Variants in KCNH7 observed in about 807,000 individuals in gnomAD.
KCNH7 encodes voltage-gated inwardly rectifying potassium channel KCNH7.
KCNH7 carries 49 observed loss-of-function variants against 120.8 expected under a neutral mutation model. The ratio of observed to expected loss-of-function variants is 0.41; its 90% CI spans 0.32 to 0.51. The LOEUF is 0.51. Ranked by LOEUF, KCNH7 falls within the 20% of genes least tolerant of loss-of-function variation. KCNH7 has a pLI of 0.38. For missense variants in KCNH7, 1,097 were observed against 1,446.6 expected (o/e 0.76, Z 3.92); for synonymous variants, 547 against 516.1 (o/e 1.06, Z -0.81).
chr2:162,384,704 TC>T lies in KCNH7; in HGVS notation c.2945del (p.Arg982LysfsTer54), dbSNP rs770182489. ...CTGGATTACCTTTGCAAGAGTGACTTCTTTTATCTATGTGCATTCTTCCTGA... is the reference window on the plus strand; with the variant it reads ...CTGGATTACCTTTGCAAGAGTGACTTTTTTATCTATGTGCATTCTTCCTGA... ...PTSGRMHIDK[R>X]SHSCKDITDM... is the part of the protein sequence containing the mutation. On this transcript the variant is annotated frameshift_variant, in exon 13 of 16. Transcript: ENST00000332142. LOFTEE classifies it high-confidence loss of function. The T allele has an allele frequency of 6.2e-7, 1 of 1,612,446 alleles. No individual in the cohort carries two copies. Among genetic ancestry groups the T allele is most frequent in the East Asian group, 2.2e-5 (1 of 44,808 alleles).
chr2:162,707,438 T>C (rs920834241), intron 2 of KCNH7, among the ~76,000 whole-genome samples: 4 of 152,116 alleles, frequency 2.6e-5, no homozygotes, highest in Non-Finnish European at 5.9e-5. Flanking sequence ...CACTCAGCTG[T>C]ATCTGAAAAA....
chr2:162,511,601 A>T lies in KCNH7; in HGVS notation c.913+1053T>A, dbSNP rs865996499. On this transcript the variant is annotated intron_variant, in intron 5 of 15. Transcript: ENST00000332142. ...ATAAAATTGGGGTGGGTTTGGGGGG[A>T]TACTGCCATAATTTCCCTGATTTTC... 9.9e-5 allele frequency among the ~76,000 whole-genome samples: 15 copies of T among 151,132 alleles called. 1 individual carries two copies. The highest frequency in any genetic ancestry group is 3.4e-3 in the Middle Eastern group (1 of 294).
At position 162,756,289 on chromosome 2, in the gene KCNH7, G is replaced by A. The variant is rs73972003; in HGVS notation, c.307+80248C>T. On this transcript the variant is annotated intron_variant, in intron 2 of 15. Coordinates refer to ENST00000332142, the MANE Select transcript of KCNH7 (RefSeq NM_033272.4). ...ATGATGTACCAATGTTCCAATTCTA[G>A]TTAAGGTCATAGGTTTGAATGTAAA... Among the ~76,000 whole-genome samples the A allele has an allele frequency of 8.0e-3, 1,213 of 152,182 alleles. 16 individuals carry two copies. The highest frequency in any genetic ancestry group is 0.028 in the African/African-American group (1,152 of 41,538).
intron 2 of KCNH7, among the ~76,000 whole-genome samples, chr2:162,645,191 A>T (rs1181401174): frequency 2.6e-5 from 4 of 152,046 alleles, no homozygotes; most frequent in Non-Finnish European, 5.9e-5. Flanking sequence ...CTCTGTCACC[A>T]GGCTGGAGTG....
At chr2:162,485,559 A>C (rs1055016793) in intron 6 of KCNH7, among the ~76,000 whole-genome samples, 1 of 152,204 alleles carries the variant, frequency 6.6e-6, no homozygotes, top group East Asian at 1.9e-4. Flanking sequence ...ATTCATTTCT[A>C]TAGAAGGAAA....
intron 8 of KCNH7, among the ~76,000 whole-genome samples, chr2:162,429,777 A>G (rs1467535146): frequency 1.3e-5 from 2 of 151,758 alleles, no homozygotes; most frequent in Admixed American, 1.3e-4. Flanking sequence ...TTTGGGATTC[A>G]CTGGACTTCT....
At chr2:162,734,774 T>A (rs1032112331) in intron 2 of KCNH7, among the ~76,000 whole-genome samples, 4 of 152,094 alleles carry the variant, frequency 2.6e-5, no homozygotes, top group Non-Finnish European at 5.9e-5. Flanking sequence ...ATGAAGTTTA[T>A]ACCATAAAGC....
intron 2 of KCNH7, among the ~76,000 whole-genome samples, chr2:162,825,887 A>G (rs1481800332): frequency 6.6e-6 from 1 of 152,144 alleles, no homozygotes; most frequent in East Asian, 1.9e-4. Context: ...TTGTGTAGAA[A>G]AATTATAGCT....
intron 6 of KCNH7, among the ~76,000 whole-genome samples, chr2:162,488,035 C>T (rs1279806910): frequency 1.3e-5 from 2 of 152,206 alleles, no homozygotes; most frequent in African/African-American, 2.4e-5. Flanking sequence ...AACCCTCAGG[C>T]CAGGAGGGCA....
intron 2 of KCNH7, among the ~76,000 whole-genome samples, chr2:162,600,381 C>G (rs1694511765): frequency 1.3e-5 from 2 of 152,206 alleles, no homozygotes; most frequent in East Asian, 1.9e-4. Flanking sequence ...CGGCACCCCA[C>G]TTTGACATTC....
At chr2:162,717,198 A>C (rs975217458) in intron 2 of KCNH7, among the ~76,000 whole-genome samples, 14 of 152,048 alleles carry the variant, frequency 9.2e-5, no homozygotes, top group African/African-American at 3.4e-4. Context: ...TCATGTCTCT[A>C]CTCTTTCTTC....
chr2:162,690,556 C>T (rs1000211601), intron 2 of KCNH7, among the ~76,000 whole-genome samples: 2 of 152,000 alleles, frequency 1.3e-5, no homozygotes, highest in African/African-American at 2.4e-5. Context: ...TCTCAATATG[C>T]CTTTTAGATT....
At chr2:162,618,915 A>G (rs1047239478) in intron 2 of KCNH7, among the ~76,000 whole-genome samples, 1 of 152,166 alleles carries the variant, frequency 6.6e-6, no homozygotes, top group Non-Finnish European at 1.5e-5. Flanking sequence ...GATCATTTGC[A>G]TATTTATTCA....
At chr2:162,749,866 C>T (rs1688479230) in intron 2 of KCNH7, among the ~76,000 whole-genome samples, 2 of 152,058 alleles carry the variant, frequency 1.3e-5, no homozygotes, top group South Asian at 2.1e-4. Flanking sequence ...AAAGAACATT[C>T]CTGCTGAGAG....
chr2:162,664,217 C>T (rs1685061784), intron 2 of KCNH7, among the ~76,000 whole-genome samples: 1 of 152,150 alleles, frequency 6.6e-6, no homozygotes, highest in Non-Finnish European at 1.5e-5. Context: ...TTGACCCTTT[C>T]TCCAGAGAAG....
At chr2:162,769,835 G>A (rs1048820222) in intron 2 of KCNH7, among the ~76,000 whole-genome samples, 2 of 152,006 alleles carry the variant, frequency 1.3e-5, no homozygotes, top group Non-Finnish European at 2.9e-5. Flanking sequence ...GTCAAATTTT[G>A]TAAACACACA....
At chr2:162,402,287 C>G (rs1340723027) in intron 9 of KCNH7, among the ~76,000 whole-genome samples, 1 of 150,436 alleles carries the variant, frequency 6.6e-6, no homozygotes, top group Non-Finnish European at 1.5e-5. Flanking sequence ...GGTCATTGAT[C>G]CCTTCTACCA....
chr2:162,504,484 C>T lies in KCNH7; in HGVS notation c.1087G>A (p.Val363Ile). 1 of 1,613,050 alleles carries T rather than the reference C, an allele frequency of 6.2e-7. No homozygotes were observed. Among genetic ancestry groups the T allele is most frequent in the South Asian group, 1.1e-5 (1 of 91,062 alleles). The change falls in exon 6 of 16, where the codon GTT becomes ATT. Residue 363 changes from valine to isoleucine, a missense_variant. Around this residue, in one of 8 missense-constraint regions of KCNH7, gnomAD observed 362 missense variants for 372.2 expected, o/e 0.97. Transcript: ENST00000332142. Reference protein sequence around the residue: ...SSDKTIIAPKVKDRTHNVTEK... With the variant: ...SSDKTIIAPKIKDRTHNVTEK... Reference sequence around the variant, plus strand: ...GTCACATTGTGTGTTCGATCTTTAACCTTGGGTGCAATAATGGTTTTATCT... The same window carrying T: ...GTCACATTGTGTGTTCGATCTTTAATCTTGGGTGCAATAATGGTTTTATCT...
chr2:162,477,940 G>T (rs1409565565), intron 6 of KCNH7, among the ~76,000 whole-genome samples: 1 of 147,520 alleles, frequency 6.8e-6, no homozygotes, highest in Non-Finnish European at 1.5e-5. Flanking sequence ...TGTCCTCATG[G>T]AACTTAGTCA....
Sources: allele counts gnomAD v4.1 joint callset (sites outside exome capture counted in the v4.1 genomes callset), GRCh38; gene constraint gnomAD v4.1.1; regional missense constraint gnomAD v4.1.1; transcripts MANE v1.5; gene names NCBI Gene and HGNC (gene_info 2026-07-23, HGNC 2026-07-21).